ZFHX3: variants seen among roughly 807,000 people sequenced by gnomAD.
The protein encoded by ZFHX3 is zinc finger homeobox 3, also known as zinc finger homeobox protein 3.
A neutral mutation model predicts 279.1 loss-of-function variants in ZFHX3; 42 were observed. The observed-to-expected ratio is 0.15, with a 90% CI of 0.12 to 0.19. The LOEUF is 0.19. ZFHX3 is among the 10% of genes least tolerant of loss of function. The pLI is 1.00. For missense variants in ZFHX3, 4,981 were observed against 4,754.0 expected (o/e 1.05, Z -1.40); for synonymous variants, 2,293 against 1,957.8 (o/e 1.17, Z -4.52).
chr16:73,389,620 C>G (rs1324369400), intron 3 of ZFHX3, among the ~76,000 whole-genome samples: 4 of 152,202 alleles, frequency 2.6e-5, no homozygotes, highest in Admixed American at 2.6e-4. Context: ...CAACACACAG[C>G]TGCTCACAGG....
chr16:73,833,691 C>T (rs926537885), intron 1 of ZFHX3, among the ~76,000 whole-genome samples: 6 of 151,692 alleles, frequency 4.0e-5, no homozygotes, highest in Admixed American at 2.6e-4. Flanking sequence ...CACCATGGCA[C>T]GTGTATACCT....
chr16:73,657,060 G>C (rs2052728596), intron 2 of ZFHX3, among the ~76,000 whole-genome samples: 1 of 152,076 alleles, frequency 6.6e-6, no homozygotes, highest in Non-Finnish European at 1.5e-5. Flanking sequence ...TTTTTCCTTT[G>C]CTTATTAGCA....
intron 4 of ZFHX3, among the ~76,000 whole-genome samples, chr16:72,871,337 G>T (rs560174463): frequency 1.1e-4 from 17 of 149,272 alleles, no homozygotes; most frequent in Admixed American, 1.1e-3. Flanking sequence ...CACCATGCCC[G>T]GCTAATTTTT....
At chr16:73,709,236 G>A (rs1313216148) in intron 1 of ZFHX3, among the ~76,000 whole-genome samples, 1 of 152,054 alleles carries the variant, frequency 6.6e-6, no homozygotes, top group Non-Finnish European at 1.5e-5. Context: ...CTAGTGGGGT[G>A]CACCTGTAGT....
chr16:72,787,400 C>T lies in ZFHX3; in HGVS notation c.10876G>A (p.Ala3626Thr), dbSNP rs1348379505. The T allele has an allele frequency of 1.2e-6, 2 of 1,602,550 alleles. No individual in the cohort carries two copies. The highest frequency in any genetic ancestry group is 1.7e-6 in the Non-Finnish European group (2 of 1,172,258). The change falls in exon 10 of 10, where the codon GCA becomes ACA. Residue 3626 changes from alanine (A) to threonine (T), a missense_variant. Ala to Thr is a moderately conservative substitution (Grantham distance 58). Coordinates refer to ENST00000268489, the MANE Select transcript of ZFHX3 (RefSeq NM_006885.4). Reference sequence around the variant, plus strand: ...GGAGGAAAAGAAGGGGGCTTCGCTGCCGAAGCCCGGGAGACCACTTGCGGC... The same window carrying T: ...GGAGGAAAAGAAGGGGGCTTCGCTGTCGAAGCCCGGGAGACCACTTGCGGC... ...SWPQVVSRAS[A>T]AKPPSFPPLS...
chr16:73,358,235 C>T (rs1235720559), intron 3 of ZFHX3, among the ~76,000 whole-genome samples: 4 of 152,340 alleles, frequency 2.6e-5, no homozygotes, highest in African/African-American at 4.8e-5. Context: ...CCCCTCCCCT[C>T]GAGTGTGGGC....
At chr16:72,932,120 G>A (rs768235170) in intron 3 of ZFHX3, among the ~76,000 whole-genome samples, 1 of 152,152 alleles carries the variant, frequency 6.6e-6, no homozygotes, top group Admixed American at 6.5e-5. Context: ...AGTGTCCTGT[G>A]TACTCTATGC....
chr16:73,632,479 G>A (rs942339508), intron 2 of ZFHX3, among the ~76,000 whole-genome samples: 2 of 151,836 alleles, frequency 1.3e-5, no homozygotes, highest in African/African-American at 2.4e-5. Flanking sequence ...TCAGTCAAGA[G>A]ATTGAGACTT....
chr16:73,755,542 C>G lies in ZFHX3; in HGVS notation c.-1607-75302G>C, dbSNP rs569912879. ...ACAAGAACTTATTAGTATGAACAAACCAAACAATTCAATTTTTTTTAAAAT... is the reference window on the plus strand; with the variant it reads ...ACAAGAACTTATTAGTATGAACAAAGCAAACAATTCAATTTTTTTTAAAAT... On this transcript the variant is annotated intron_variant, in intron 1 of 17. Transcript: ENST00000641206. Among the ~76,000 whole-genome samples, 9 of 152,246 alleles carry G rather than the reference C, an allele frequency of 5.9e-5. No homozygotes were observed. In the South Asian group the frequency reaches 1.2e-3, roughly 21 times the overall value.
intron 5 of ZFHX3, among the ~76,000 whole-genome samples, chr16:73,190,211 G>A (rs895320890): frequency 1.3e-5 from 2 of 152,224 alleles, no homozygotes; most frequent in South Asian, 2.1e-4. Context: ...GTGTGACTTC[G>A]TATTACACAG....
At position 73,870,527 on chromosome 16, in the gene ZFHX3, T is replaced by C. The variant is rs139060475; in HGVS notation, c.-1608+21124A>G. Among the ~76,000 whole-genome samples, 1,086 of 152,014 alleles carry C rather than the reference T, an allele frequency of 7.1e-3. 18 individuals carry two copies. The highest frequency in any genetic ancestry group is 0.025 in the African/African-American group (1,039 of 41,294). On this transcript the variant is annotated intron_variant, in intron 1 of 17. Transcript: ENST00000641206. ...ACAAATCCCCCTTTTTTTAAGGAAC[T>C]GAGGAATAGCCAGACAAGTGCCCAT...
rs551532458 is a variant in ZFHX3 at position 73,139,781 on chromosome 16, A to G, written c.-1024+3971T>C. 3.9e-5 allele frequency among the ~76,000 whole-genome samples: 6 copies of G among 152,348 alleles called. No homozygotes were observed. In the South Asian group the frequency reaches 8.3e-4, roughly 21 times the overall value. ...ACACTCAGAGTGCTTCCTTGGATCA[A>G]TGCTTTCAAGTTCATCCTCATATCA... On this transcript the variant is annotated intron_variant, in intron 6 of 17. Coordinates refer to the ZFHX3 transcript ENST00000641206.
chr16:73,343,092 C>T (rs977720242), intron 3 of ZFHX3, among the ~76,000 whole-genome samples: 5 of 152,106 alleles, frequency 3.3e-5, no homozygotes, highest in African/African-American at 1.2e-4. Context: ...AACATGAGAG[C>T]TAGGTATCTA....
chr16:73,476,520 T>C (rs995088015), intron 2 of ZFHX3, among the ~76,000 whole-genome samples: 3 of 152,178 alleles, frequency 2.0e-5, no homozygotes, highest in Non-Finnish European at 4.4e-5. Context: ...CACAAGAATA[T>C]TGTGGCTTGA....
At chr16:73,168,211 TTTTCTTTCTTTCTTTCTTTCTTTC>T (rs71156144) in intron 5 of ZFHX3, among the ~76,000 whole-genome samples, 12 of 95,222 alleles carry the variant, frequency 1.3e-4, no homozygotes, top group Middle Eastern at 5.8e-3. Context: ...GTTTCTTTTG[TTTTCTTTCTTTCTTTCTTTCTTTC>T]TTTCTTTCTT....
chr16:73,419,389 A>G (rs1487403207), intron 3 of ZFHX3, among the ~76,000 whole-genome samples: 1 of 152,116 alleles, frequency 6.6e-6, no homozygotes, highest in Non-Finnish European at 1.5e-5. Flanking sequence ...AACCTTTGCT[A>G]TTTCCAGAAG....
chr16:73,597,207 C>T (rs1016225725), intron 2 of ZFHX3, among the ~76,000 whole-genome samples: 1 of 152,192 alleles, frequency 6.6e-6, no homozygotes, highest in African/African-American at 2.4e-5. Context: ...TCATTCAGAA[C>T]CCAGCAACCA....
At chr16:73,068,350 AAATAAAAATATTCCCGGAAGGG>A (rs1178548283) in intron 8 of ZFHX3, among the ~76,000 whole-genome samples, 2 of 152,202 alleles carry the variant, frequency 1.3e-5, no homozygotes, top group African/African-American at 2.4e-5. Context: ...GAGGCGCAGG[AAATAAAAATATTCCCGGAAGGG>A]TGCTCTGGTT....
chr16:73,026,689 A>AAAAAAAAAAAAAAAAAC, intron 1 of ZFHX3, among the ~76,000 whole-genome samples: 1 of 150,834 alleles, frequency 6.6e-6, no homozygotes. Flanking sequence ...AAAAAAAAAA[A>AAAAAAAAAAAAAAAAAC]AAAAAACACA....
Sources: allele counts gnomAD v4.1 joint callset (sites outside exome capture counted in the v4.1 genomes callset), GRCh38; gene constraint gnomAD v4.1.1; transcripts MANE v1.5; gene names NCBI Gene and HGNC (gene_info 2026-07-23, HGNC 2026-07-21).